SCHIP1: variants seen among roughly 807,000 people sequenced by gnomAD.
SCHIP1 encodes the protein schwannomin-interacting protein 1.
A neutral mutation model predicts 29.7 loss-of-function variants in SCHIP1; 8 were observed. The ratio of observed to expected loss-of-function variants is 0.27; its 90% confidence interval spans 0.16 to 0.49. The LOEUF (loss-of-function observed/expected upper bound fraction) is 0.49, where lower values mean the gene tolerates loss of function less well. Among genes scored for constraint, SCHIP1 ranks in the 20% least tolerant of loss-of-function variants. SCHIP1 has a pLI of 0.99. For synonymous variants in SCHIP1, 76 were observed against 94.9 expected (o/e 0.80, Z 1.16); for missense variants, 193 against 294.6 (o/e 0.66, Z 2.52).
intron 2 of SCHIP1, among the ~76,000 whole-genome samples, chr3:159,883,657 T>C (rs1317242830): frequency 2.0e-5 from 3 of 152,198 alleles, no homozygotes; most frequent in Non-Finnish European, 2.9e-5. Flanking sequence ...CTCTGAACCA[T>C]TAGCTGTTAT....
the SCHIP1 span, among the ~76,000 whole-genome samples, chr3:159,679,441 C>T: frequency 6.6e-6 from 1 of 152,198 alleles, no homozygotes; most frequent in Admixed American, 6.5e-5. Flanking sequence ...AGTAATTTTA[C>T]AGTGGGAATT....
the SCHIP1 span, among the ~76,000 whole-genome samples, chr3:159,396,551 A>G: frequency 1.3e-5 from 2 of 148,784 alleles, no homozygotes; most frequent in African/African-American, 2.5e-5. Flanking sequence ...GCTTGTCTGT[A>G]AAGTATTTTA....
At chr3:159,834,934 T>TG (rs911532075), upstream of SCHIP1, among the ~76,000 whole-genome samples, 17 of 152,300 alleles carry the variant, frequency 1.1e-4, no homozygotes, top group African/African-American at 4.1e-4. Context: ...TCCCAAGCAT[T>TG]GTGGATAAGG....
At chr3:159,419,683 C>T in the SCHIP1 span, among the ~76,000 whole-genome samples, 1 of 152,096 alleles carries the variant, frequency 6.6e-6, no homozygotes, top group Admixed American at 6.5e-5. Flanking sequence ...GTTGCAGGTG[C>T]CTGTAATCCC....
At chr3:159,304,576 A>G in the SCHIP1 span, among the ~76,000 whole-genome samples, 1 of 152,176 alleles carries the variant, frequency 6.6e-6, no homozygotes, top group African/African-American at 2.4e-5. Flanking sequence ...TATGAATAAG[A>G]TTCATTTTTC....
the SCHIP1 span, among the ~76,000 whole-genome samples, chr3:159,656,757 T>A: frequency 3.3e-5 from 5 of 152,174 alleles, no homozygotes; most frequent in African/African-American, 1.2e-4. Flanking sequence ...TTTCAGCAGC[T>A]CATTCAGGTT....
chr3:159,718,951 C>G, the SCHIP1 span, among the ~76,000 whole-genome samples: 1 of 152,128 alleles, frequency 6.6e-6, no homozygotes, highest in Non-Finnish European at 1.5e-5. Flanking sequence ...AAGAACAAGG[C>G]TGGAGGCATC....
At chr3:159,789,117 G>A in the SCHIP1 span, among the ~76,000 whole-genome samples, 1 of 148,318 alleles carries the variant, frequency 6.7e-6, no homozygotes, top group Non-Finnish European at 1.5e-5. Context: ...GGTTGTGTGT[G>A]TGTATCTATA....
chr3:159,811,816 C>T, the SCHIP1 span, among the ~76,000 whole-genome samples: 3,317 of 152,138 alleles, frequency 0.022, 109 homozygotes, highest in African/African-American at 0.07. Flanking sequence ...CAATTCCTGC[C>T]CAAAAGCCTG....
the SCHIP1 span, among the ~76,000 whole-genome samples, chr3:159,756,084 G>A: frequency 1.3e-5 from 2 of 152,248 alleles, no homozygotes; most frequent in Admixed American, 6.5e-5. Flanking sequence ...GGGTCTGGAA[G>A]ATGGTGGTCC....
At chr3:159,742,981 C>A in the SCHIP1 span, among the ~76,000 whole-genome samples, 2 of 151,978 alleles carry the variant, frequency 1.3e-5, no homozygotes, top group Non-Finnish European at 2.9e-5. Context: ...GCCACCACGC[C>A]GGGCCTTGGA....
the SCHIP1 span, among the ~76,000 whole-genome samples, chr3:159,597,323 T>C: frequency 6.6e-6 from 1 of 152,148 alleles, no homozygotes; most frequent in Non-Finnish European, 1.5e-5. Flanking sequence ...ATCACCTGAG[T>C]ACAATACATT....
At chr3:159,876,548 T>A (rs752951621) in intron 2 of SCHIP1, among the ~76,000 whole-genome samples, 3 of 152,212 alleles carry the variant, frequency 2.0e-5, no homozygotes, top group Non-Finnish European at 4.4e-5. Context: ...TATTTCGTTA[T>A]CCTTTTTATT....
At chr3:159,703,894 G>A in the SCHIP1 span, among the ~76,000 whole-genome samples, 1 of 152,036 alleles carries the variant, frequency 6.6e-6, no homozygotes, top group Non-Finnish European at 1.5e-5. Context: ...TCCTCACTTG[G>A]TAAACTCCCT....
intron 1 of SCHIP1, 146 bp from the exon 3 acceptor site, chr3:159,866,017 T>A: frequency 1.4e-6 from 1 of 701,086 alleles, no homozygotes; most frequent in South Asian, 2.0e-5. Context: ...TTTCAGCTTT[T>A]AATAATTCAA....
the SCHIP1 span, among the ~76,000 whole-genome samples, chr3:159,544,412 G>T: frequency 1.3e-5 from 2 of 151,996 alleles, no homozygotes; most frequent in Admixed American, 6.6e-5. Context: ...GGTAGGGTAT[G>T]CATATGTTCA....
chr3:159,828,361 TTATATATATATATACATATA>T, the SCHIP1 span, among the ~76,000 whole-genome samples: 1 of 101,488 alleles, frequency 9.9e-6, no homozygotes, highest in African/African-American at 4.9e-5. Flanking sequence ...AGTGTAACCT[TTATATATATATATACATATA>T]TATATACATA....
At chr3:159,669,266 A>T in the SCHIP1 span, among the ~76,000 whole-genome samples, 2 of 152,218 alleles carry the variant, frequency 1.3e-5, no homozygotes. Context: ...GAAAAGGAGG[A>T]GTTGTTGTCA....
chr3:159,724,260 A>G, the SCHIP1 span, among the ~76,000 whole-genome samples: 1 of 152,090 alleles, frequency 6.6e-6, no homozygotes, highest in Non-Finnish European at 1.5e-5. Context: ...ATAACTCCTT[A>G]TATGTTACAG....
Sources: gnomAD v4.1 joint callset for allele counts (sites outside exome capture counted in the v4.1 genomes callset) on GRCh38, gnomAD v4.1.1 for gene constraint, MANE v1.5 for transcripts, NCBI Gene and HGNC (gene_info 2026-07-23, HGNC 2026-07-21) for gene names.